MAST4: variants seen among roughly 807,000 people sequenced by gnomAD.
MAST4 encodes the protein microtubule associated serine/threonine kinase family member 4, also known as microtubule-associated serine/threonine-protein kinase 4.
MAST4 carries 89 observed loss-of-function variants against 162.7 expected under a neutral mutation model. The observed-to-expected ratio is 0.55, with a 90% CI of 0.46 to 0.65. The LOEUF is 0.65. Ranked by LOEUF, MAST4 falls within the 30% of genes least tolerant of loss-of-function variation. MAST4 has a pLI of 0.00. For synonymous variants in MAST4, 1,479 were observed against 1,361.1 expected, an observed-to-expected ratio of 1.09 and a Z score of -1.91; for missense variants, 3,153 against 3,374.0, an observed-to-expected ratio of 0.93 and a Z score of 1.62.
At chr5:66,762,927 T>A (rs72761237) in intron 2 of MAST4, among the ~76,000 whole-genome samples, 2,035 of 152,358 alleles carry the variant, frequency 0.013, 26 homozygotes, top group Non-Finnish European at 0.019. Context: ...ATTTATATAT[T>A]TATCCCTTAT....
chr5:67,105,756 C>T (rs553532237), intron 10 of MAST4, among the ~76,000 whole-genome samples: 17 of 152,268 alleles, frequency 1.1e-4, no homozygotes, highest in South Asian at 2.1e-4. Context: ...CACGTGCTTA[C>T]GCTTAAAATT....
At chr5:67,054,324 T>C in intron 4 of MAST4, 80 bp from the exon 5 acceptor site, 1 of 1,192,096 alleles carries the variant, frequency 8.4e-7, no homozygotes, top group Non-Finnish European at 1.2e-6. Flanking sequence ...CTCAACCTGG[T>C]CCATGTCTAC....
chr5:66,994,576 C>A (rs1750417691), intron 4 of MAST4, among the ~76,000 whole-genome samples: 1 of 152,082 alleles, frequency 6.6e-6, no homozygotes, highest in Non-Finnish European at 1.5e-5. Flanking sequence ...GTTTTTTGAT[C>A]ACCAGGAACT....
chr5:66,903,594 G>T (rs1258028550), intron 4 of MAST4, among the ~76,000 whole-genome samples: 1 of 152,078 alleles, frequency 6.6e-6, no homozygotes, highest in Non-Finnish European at 1.5e-5. Flanking sequence ...AAATTATGAT[G>T]ATAAATTGTG....
intron 1 of MAST4, among the ~76,000 whole-genome samples, chr5:66,624,146 GTTTTTT>G (rs200030700): frequency 0.34 from 30,547 of 90,190 alleles, 3,707 homozygotes; most frequent in Middle Eastern, 0.5. Context: ...TTGTTAAAAT[GTTTTTT>G]TTTTTTTTTT....
intron 1 of MAST4, among the ~76,000 whole-genome samples, chr5:66,628,416 A>G (rs1744586612): frequency 6.6e-6 from 1 of 151,558 alleles, no homozygotes; most frequent in African/African-American, 2.4e-5. Context: ...TGTAGGGGGA[A>G]AATGCTGCTT....
chr5:66,873,616 T>C (rs1580726898), intron 3 of MAST4, among the ~76,000 whole-genome samples: 2 of 152,232 alleles, frequency 1.3e-5, no homozygotes, highest in South Asian at 4.1e-4. Context: ...ATGTTAGGCT[T>C]TGTCATTAAC....
chr5:66,694,730 G>T (rs965966675), intron 1 of MAST4, among the ~76,000 whole-genome samples: 1 of 152,054 alleles, frequency 6.6e-6, no homozygotes, highest in East Asian at 1.9e-4. Context: ...CAGGTGATCC[G>T]CCCACCTTGG....
At chr5:67,034,295 T>C (rs1399466713) in intron 4 of MAST4, among the ~76,000 whole-genome samples, 1 of 152,186 alleles carries the variant, frequency 6.6e-6, no homozygotes, top group African/African-American at 2.4e-5. Flanking sequence ...CACAAAAGCC[T>C]GCCTTTTCTG....
chr5:67,160,641 G>T, intron 27 of MAST4, 49 bp downstream of exon 27: 1 of 1,563,900 alleles, frequency 6.4e-7, no homozygotes, highest in South Asian at 1.2e-5. Context: ...CCTATGTTGG[G>T]GAAAAGTTAC....
chr5:67,099,812 G>GTT (rs946463116), intron 7 of MAST4, among the ~76,000 whole-genome samples: 34 of 144,966 alleles, frequency 2.3e-4, no homozygotes, highest in African/African-American at 8.5e-4. Flanking sequence ...CCACTTGAAG[G>GTT]TTTTTTTTTT....
At chr5:66,715,485 T>C (rs1750762537) in intron 1 of MAST4, among the ~76,000 whole-genome samples, 1 of 122,424 alleles carries the variant, frequency 8.2e-6, no homozygotes, top group East Asian at 2.6e-4. Flanking sequence ...GCTTTTACTT[T>C]AATACCAAAA....
At chr5:66,728,063 T>C (rs977439056) in intron 1 of MAST4, among the ~76,000 whole-genome samples, 1 of 152,146 alleles carries the variant, frequency 6.6e-6, no homozygotes, top group African/African-American at 2.4e-5. Context: ...GTTTGATTGT[T>C]TCATGAGGAT....
intron 1 of MAST4, among the ~76,000 whole-genome samples, chr5:66,614,480 G>A (rs1743532727): frequency 6.6e-6 from 1 of 152,184 alleles, no homozygotes; most frequent in African/African-American, 2.4e-5. Flanking sequence ...TGAAGCCAAG[G>A]AGTTTATTGG....
intron 1 of MAST4, among the ~76,000 whole-genome samples, chr5:66,678,631 A>G (rs1748115380): frequency 6.6e-6 from 1 of 150,998 alleles, no homozygotes; most frequent in South Asian, 2.1e-4. Flanking sequence ...AGTAGCTGGG[A>G]CTACCGGTGC....
intron 3 of MAST4, among the ~76,000 whole-genome samples, chr5:66,875,989 A>C (rs755097657): frequency 4.6e-5 from 7 of 152,102 alleles, no homozygotes; most frequent in Non-Finnish European, 1.0e-4. Context: ...AATGCTCTCA[A>C]ACTCTGGGGT....
At chr5:66,832,630 G>A (rs1489636429) in intron 3 of MAST4, among the ~76,000 whole-genome samples, 2 of 152,112 alleles carry the variant, frequency 1.3e-5, no homozygotes, top group African/African-American at 2.4e-5. Flanking sequence ...AAGTCACAAT[G>A]TCTCAATGTT....
At chr5:66,940,417 C>T (rs889754761) in intron 4 of MAST4, among the ~76,000 whole-genome samples, 1 of 152,178 alleles carries the variant, frequency 6.6e-6, no homozygotes, top group Non-Finnish European at 1.5e-5. Flanking sequence ...TTGGAGTCAG[C>T]CTTCTCAAAC....
chr5:67,009,659 T>C (rs1232169482), intron 4 of MAST4, among the ~76,000 whole-genome samples: 1 of 152,220 alleles, frequency 6.6e-6, no homozygotes, highest in Admixed American at 6.5e-5. Context: ...TTAATATTAC[T>C]GCTGTCATTA....
Sources: gnomAD v4.1 joint callset for allele counts (sites outside exome capture counted in the v4.1 genomes callset) on GRCh38, gnomAD v4.1.1 for gene constraint, MANE v1.5 for transcripts, NCBI Gene and HGNC (gene_info 2026-07-23, HGNC 2026-07-21) for gene names.